The following THOC7 variants were observed in gnomAD, a reference collection of about 807,000 sequenced individuals.
THOC7 encodes the protein THO complex subunit 7.
THOC7 carries 22 observed loss-of-function variants against 33.1 expected under a neutral mutation model. The observed-to-expected ratio is 0.66, with a 90% CI of 0.47 to 0.95. The LOEUF (loss-of-function observed/expected upper bound fraction) is 0.95, where lower values mean the gene tolerates loss of function less well. Ranked by LOEUF, THOC7 falls within the 40% of genes least tolerant of loss-of-function variation. The pLI is 0.00. For synonymous variants in THOC7, 77 were observed against 76.8 expected (o/e 1.00, Z -0.01); for missense variants, 184 against 245.3 (o/e 0.75, Z 1.67).
In THOC7 at chr3:63,851,418, A is replaced by C. The variant is rs964123083; in HGVS notation, c.20-11645T>G. Among the ~76,000 whole-genome samples, 32 of 152,228 alleles carry C rather than the reference A, an allele frequency of 2.1e-4. 1 individual carries two copies. Among genetic ancestry groups the C allele is most frequent in the Non-Finnish European group, 7.4e-5 (5 of 68,026 alleles). ...TTACAGGAGGCCATTGTTTTGGACT[A>C]AGTTCTTGTACTATGTCCCAATGGA... On this transcript the variant is annotated intron_variant, in intron 1 of 7. Transcript: ENST00000295899.
At chr3:63,860,017 G>A (rs967775989) in intron 1 of THOC7, among the ~76,000 whole-genome samples, 1 of 152,200 alleles carries the variant, frequency 6.6e-6, no homozygotes. Context: ...TTGACAGGCT[G>A]GAGTGCAGTG....
intron 3 of THOC7, 115 bp downstream of exon 3, chr3:63,838,257 C>T: frequency 1.1e-6 from 1 of 919,126 alleles, no homozygotes; most frequent in Non-Finnish European, 1.6e-6. Flanking sequence ...GTATTCTTTC[C>T]ATTAATACAG....
chr3:63,858,606 C>T (rs1455147620), intron 1 of THOC7, among the ~76,000 whole-genome samples: 1 of 152,158 alleles, frequency 6.6e-6, no homozygotes, highest in Non-Finnish European at 1.5e-5. Context: ...GCAAAAAGTG[C>T]TTCTGAAATG....
intron 4 of THOC7, among the ~76,000 whole-genome samples, chr3:63,836,720 C>T (rs989978797): frequency 2.1e-4 from 32 of 151,898 alleles, no homozygotes; most frequent in Admixed American, 1.1e-3. Context: ...AAATAAAATA[C>T]AATCAGTGAA....
chr3:63,835,010 A>C, intron 7 of THOC7, 144 bp downstream of exon 7: 1 of 721,310 alleles, frequency 1.4e-6, no homozygotes, highest in South Asian at 2.4e-5. Flanking sequence ...AAAGTTGAAC[A>C]TGAGTACCTT....
chr3:63,842,508 C>T (rs142842341), intron 1 of THOC7, among the ~76,000 whole-genome samples: 53 of 152,270 alleles, frequency 3.5e-4, no homozygotes, highest in African/African-American at 1.2e-3. Flanking sequence ...CCATGGAATA[C>T]TACTCAGCCA....
chr3:63,863,952 C>T (rs1702317316), upstream of THOC7: 3 of 81,024 alleles, frequency 3.7e-5, no homozygotes, highest in African/African-American at 7.1e-5. Context: ...CGCCGCGCCG[C>T]GCCGCCGCCG....
At chr3:63,863,541 G>A in intron 1 of THOC7, 1 of 1,195,184 alleles carries the variant, frequency 8.4e-7, no homozygotes, top group Non-Finnish European at 1.0e-6. Context: ...AGCGGACGGG[G>A]AAAGCCGAGG....
chr3:63,837,935 GTAATAAT>G (rs1701668398), intron 4 of THOC7, 34 bp downstream of exon 4: 2 of 1,553,892 alleles, frequency 1.3e-6, no homozygotes, highest in African/African-American at 2.8e-5. Flanking sequence ...ACTGTAGTCA[GTAATAAT>G]GTATTTGCAC....
intron 2 of THOC7, among the ~76,000 whole-genome samples, chr3:63,839,050 C>T (rs1005258939): frequency 1.3e-5 from 2 of 152,082 alleles, no homozygotes; most frequent in Non-Finnish European, 2.9e-5. Context: ...ATTAGTCAGT[C>T]ATGGTGTTGC....
intron 1 of THOC7, among the ~76,000 whole-genome samples, chr3:63,862,027 G>C (rs1380419005): frequency 6.6e-6 from 1 of 152,136 alleles, no homozygotes; most frequent in Non-Finnish European, 1.5e-5. Flanking sequence ...CTGAGCTCAA[G>C]AGGTCCGCCT....
In THOC7 at chr3:63,863,526, G is replaced by T; in HGVS notation, c.19+246C>A. On this transcript the variant is annotated intron_variant, in intron 1 of 7. Transcript: ENST00000295899. The stretch of plus-strand genomic sequence containing the variant: ...CACCCTATAGCCCCGCGCTGCCTCC[G>T]GGAGAGCGGACGGGGAAAGCCGAGG... The T allele has an allele frequency of 2.5e-6, 3 of 1,191,940 alleles. No homozygotes were observed. The South Asian group carries it at 1.3e-4, about 51-fold the overall frequency. The allele number at this position is 1,191,940 out of a possible 1,614,324, so 73.8% of individuals were successfully genotyped here.
chr3:63,835,302 G>A lies in THOC7; in HGVS notation c.477+22C>T, dbSNP rs574808987. ...GACAGACAGATAGACAGATCATGAA[G>A]GCTAAATATATATGCGAATACCTTA... is the stretch of plus-strand genomic sequence containing the variant. On this transcript the variant is annotated intron_variant, in intron 6 of 7. Transcript: ENST00000295899. The A allele has an allele frequency of 4.4e-4, 705 of 1,613,246 alleles. 7 individuals are homozygous for A. In the South Asian group the frequency reaches 7.2e-3, roughly 17 times the overall value.
chr3:63,848,279 G>A (rs187110387), intron 1 of THOC7: 21 of 152,244 alleles, frequency 1.4e-4, no homozygotes, highest in Admixed American at 8.5e-4. Context: ...TGTGAAGCCT[G>A]CTAGCTGGAG....
chr3:63,837,639 T>C (rs1456930252), intron 4 of THOC7, among the ~76,000 whole-genome samples: 1 of 151,998 alleles, frequency 6.6e-6, no homozygotes, highest in Non-Finnish European at 1.5e-5. Flanking sequence ...AGTATATTTA[T>C]GTAAATTGCC....
chr3:63,851,432 T>C (rs536502457), intron 1 of THOC7, among the ~76,000 whole-genome samples: 3 of 152,340 alleles, frequency 2.0e-5, no homozygotes, highest in African/African-American at 7.2e-5. Flanking sequence ...TCTTGTACTA[T>C]GTCCCAATGG....
intron 1 of THOC7, chr3:63,863,221 G>A (rs999640233): frequency 7.7e-5 from 12 of 155,596 alleles, no homozygotes; most frequent in Non-Finnish European, 1.7e-4. Flanking sequence ...TATGCCCCAG[G>A]ACCCCTCCTG....
At chr3:63,835,276 A>G in intron 6 of THOC7, 48 bp downstream of exon 6, 1 of 1,612,516 alleles carries the variant, frequency 6.2e-7, no homozygotes, top group Non-Finnish European at 8.5e-7. Flanking sequence ...ATAGATATAT[A>G]GACAGACAGA....
intron 1 of THOC7, among the ~76,000 whole-genome samples, chr3:63,854,384 G>A (rs1452235023): frequency 1.3e-5 from 2 of 152,104 alleles, no homozygotes; most frequent in African/African-American, 4.8e-5. Context: ...TATACATGTT[G>A]ACTTCACAAA....
Sources: allele counts gnomAD v4.1 joint callset (sites outside exome capture counted in the v4.1 genomes callset), GRCh38; gene constraint gnomAD v4.1.1; transcripts MANE v1.5; gene names NCBI Gene and HGNC (gene_info 2026-07-23, HGNC 2026-07-21).